Variants in HCRTR2 observed in about 807,000 individuals in gnomAD.
HCRTR2 encodes the protein orexin receptor type 2.
Under a neutral mutation model 49.0 loss-of-function variants are expected in HCRTR2, and 22 were observed. The ratio of observed to expected loss-of-function variants is 0.45; its 90% CI spans 0.32 to 0.64. The LOEUF (loss-of-function observed/expected upper bound fraction) is 0.64, where lower values mean the gene tolerates loss of function less well. Ranked by LOEUF, HCRTR2 falls within the 30% of genes least tolerant of loss-of-function variation. HCRTR2 has a pLI of 0.04. For missense variants in HCRTR2, 491 were observed against 559.4 expected (o/e 0.88, Z 1.23); for synonymous variants, 236 against 205.3 (o/e 1.15, Z -1.28).
chr6:55,128,968 A>G (rs558551015), intron 1 of HCRTR2, among the ~76,000 whole-genome samples: 38 of 152,166 alleles, frequency 2.5e-4, no homozygotes, highest in Non-Finnish European at 4.3e-4. Context: ...CATCTGATAC[A>G]GAAGACTTCT....
chr6:55,156,473 A>T (rs1764731397), intron 1 of HCRTR2, among the ~76,000 whole-genome samples: 2 of 152,040 alleles, frequency 1.3e-5, no homozygotes, highest in South Asian at 4.1e-4. Flanking sequence ...CAACAGTAAA[A>T]CTGGAATTAA....
intron 1 of HCRTR2, among the ~76,000 whole-genome samples, chr6:55,215,376 C>T (rs1383707793): frequency 6.6e-6 from 1 of 152,044 alleles, no homozygotes; most frequent in African/African-American, 2.4e-5. Flanking sequence ...TCCAGATAAA[C>T]AAAAGCCAAG....
intron 1 of HCRTR2, among the ~76,000 whole-genome samples, chr6:55,153,053 G>A (rs959978190): frequency 6.6e-6 from 1 of 151,902 alleles, no homozygotes; most frequent in African/African-American, 2.4e-5. Flanking sequence ...TTCACTGTGA[G>A]TTGATATTTA....
chr6:55,235,611 G>C (rs1425545998), intron 1 of HCRTR2, among the ~76,000 whole-genome samples: 3 of 151,866 alleles, frequency 2.0e-5, no homozygotes, highest in African/African-American at 7.2e-5. Context: ...TTTTTTAACT[G>C]TCAAATTTAG....
intron 1 of HCRTR2, among the ~76,000 whole-genome samples, chr6:55,181,189 C>T (rs1765128009): frequency 6.6e-6 from 1 of 152,096 alleles, no homozygotes; most frequent in Non-Finnish European, 1.5e-5. Flanking sequence ...TTACCTATTA[C>T]ATCAGACATG....
rs1053433490 is a variant in HCRTR2, at chr6:55,108,186, T to A, written c.-378+1641T>A. ...TGGTTTTATTCTGAAGGCAACTTTT[T>A]TTATTGCTTCATAAGGAGATAAACT... On this transcript the variant is annotated intron_variant, in intron 1 of 7. Coordinates refer to the HCRTR2 transcript ENST00000615358. Among the ~76,000 whole-genome samples the A allele has an allele frequency of 5.3e-5, 8 of 152,268 alleles. No homozygotes were observed. The South Asian group carries it at 8.3e-4, about 16-fold the overall frequency.
Position 55,158,609 on chromosome 6 carries a change from G to A in HCRTR2, c.-377-15602G>A, listed in dbSNP as rs140509608. On this transcript the variant is annotated intron_variant, in intron 1 of 7. Transcript: ENST00000615358. ...TCTGAAGTCAACCTGGGATGCTTGA[G>A]CTTGGTGGAGAGAGGGACGTCCACC... Among the ~76,000 whole-genome samples the A allele has an allele frequency of 6.9e-4, 105 of 152,304 alleles. 1 individual carries two copies. Among genetic ancestry groups the A allele is most frequent in the African/African-American group, 2.4e-3 (101 of 41,566 alleles).
At chr6:55,165,642 C>T (rs937161764) in intron 1 of HCRTR2, among the ~76,000 whole-genome samples, 1 of 150,700 alleles carries the variant, frequency 6.6e-6, no homozygotes, top group South Asian at 2.1e-4. Flanking sequence ...AAATTTAAAA[C>T]TTTTTTGCAT....
chr6:55,114,309 G>A (rs1278746841), intron 1 of HCRTR2, among the ~76,000 whole-genome samples: 2 of 139,626 alleles, frequency 1.4e-5, no homozygotes, highest in East Asian at 4.3e-4. Flanking sequence ...TTAAAAAAAA[G>A]TGATAAACTT....
chr6:55,221,691 T>C (rs889936929), intron 1 of HCRTR2, among the ~76,000 whole-genome samples: 2 of 151,792 alleles, frequency 1.3e-5, no homozygotes, highest in African/African-American at 2.4e-5. Context: ...TGGGCGCCTG[T>C]AGTCCCAACT....
chr6:55,175,196 G>A (rs546976845), intron 1 of HCRTR2, among the ~76,000 whole-genome samples: 1 of 152,162 alleles, frequency 6.6e-6, no homozygotes, highest in African/African-American at 2.4e-5. Flanking sequence ...TTTCAGGGGG[G>A]TTGGGACGAG....
intron 4 of HCRTR2, among the ~76,000 whole-genome samples, chr6:55,265,522 T>C (rs149237724): frequency 3.3e-5 from 5 of 152,194 alleles, no homozygotes; most frequent in African/African-American, 1.2e-4. Flanking sequence ...GGAAGAAAAG[T>C]ATATTTTCTT....
At position 55,174,827 on chromosome 6, in the gene HCRTR2, G is replaced by A. The variant is rs1470367455; in HGVS notation, c.223+17G>A. The A allele has an allele frequency of 4.2e-5, 67 of 1,608,514 alleles. No homozygotes were observed. Among genetic ancestry groups the A allele is most frequent in the Non-Finnish European group, 5.7e-5 (67 of 1,175,226 alleles). ...ACGTCCTGGGTGAGTCTCCTCCCGG[G>A]CAGCCCTCCTAGGGGCTATCACCCC... On this transcript the variant is annotated intron_variant, in intron 1 of 6. Transcript: ENST00000370862.
chr6:55,238,076 G>T (rs2127303624), intron 1 of HCRTR2, among the ~76,000 whole-genome samples: 1 of 152,204 alleles, frequency 6.6e-6, no homozygotes, highest in South Asian at 2.1e-4. Flanking sequence ...AATGCCAACT[G>T]GGTATTGACA....
chr6:55,222,702 G>T (rs1394692804), intron 1 of HCRTR2, among the ~76,000 whole-genome samples: 3 of 152,176 alleles, frequency 2.0e-5, no homozygotes, highest in African/African-American at 7.2e-5. Context: ...AATACTGCAT[G>T]AATATACTTC....
At chr6:55,161,889 A>G (rs1030281788) in intron 1 of HCRTR2, among the ~76,000 whole-genome samples, 1 of 152,164 alleles carries the variant, frequency 6.6e-6, no homozygotes, top group Non-Finnish European at 1.5e-5. Context: ...TTCACAGCCA[A>G]ATTCTACAAG....
chr6:55,132,141 A>G (rs1261851751), intron 1 of HCRTR2, among the ~76,000 whole-genome samples: 1 of 151,898 alleles, frequency 6.6e-6, no homozygotes, highest in African/African-American at 2.4e-5. Flanking sequence ...TTTTTGAATA[A>G]ACATATAAAA....
chr6:55,202,309 A>G (rs2127285165), intron 1 of HCRTR2, among the ~76,000 whole-genome samples: 1 of 152,304 alleles, frequency 6.6e-6, no homozygotes, highest in East Asian at 1.9e-4. Flanking sequence ...CCACTCATGA[A>G]ATTAAAGCAC....
chr6:55,265,427 A>G (rs1050008705), intron 4 of HCRTR2, among the ~76,000 whole-genome samples: 1 of 152,124 alleles, frequency 6.6e-6, no homozygotes, highest in African/African-American at 2.4e-5. Context: ...ACTGTGCTCC[A>G]TTTGTTTTCT....
Sources: gnomAD v4.1 joint callset for allele counts (sites outside exome capture counted in the v4.1 genomes callset) on GRCh38, gnomAD v4.1.1 for gene constraint, MANE v1.5 for transcripts, NCBI Gene and HGNC (gene_info 2026-07-23, HGNC 2026-07-21) for gene names.